Variants in PAG1 observed in about 807,000 individuals in gnomAD.
PAG1 encodes the protein phosphoprotein membrane anchor with glycosphingolipid microdomains 1.
A neutral mutation model predicts 31.7 loss-of-function variants in PAG1; 23 were observed. The observed-to-expected ratio is 0.73, with a 90% confidence interval of 0.52 to 1.03. The LOEUF is 1.03. Ranked by LOEUF, PAG1 falls within the 50% of genes least tolerant of loss-of-function variation. PAG1 has a pLI of 0.00. For missense variants in PAG1, 473 were observed against 540.7 expected, an observed-to-expected ratio of 0.87 and a Z score of 1.24; for synonymous variants, 214 against 210.3, an observed-to-expected ratio of 1.02 and a Z score of -0.15.
chr8:80,994,612 G>A (rs1807632985), intron 3 of PAG1, among the ~76,000 whole-genome samples: 3 of 152,170 alleles, frequency 2.0e-5, no homozygotes, highest in East Asian at 1.9e-4. Context: ...CAAAGCCTGT[G>A]CTCTGTGTCC....
intron 3 of PAG1, among the ~76,000 whole-genome samples, chr8:81,028,378 C>T (rs578159634): frequency 4.6e-5 from 7 of 152,200 alleles, no homozygotes; most frequent in Non-Finnish European, 7.3e-5. Flanking sequence ...TGGCAGCATA[C>T]ACTTGCTTCT....
At chr8:81,045,859 C>T (rs1808632737) in intron 2 of PAG1, among the ~76,000 whole-genome samples, 1 of 152,112 alleles carries the variant, frequency 6.6e-6, no homozygotes, top group Non-Finnish European at 1.5e-5. Context: ...ATACTGCAGC[C>T]TGTAATGTTT....
intron 3 of PAG1, among the ~76,000 whole-genome samples, chr8:81,007,485 A>T (rs1807904293): frequency 8.8e-6 from 1 of 113,542 alleles, no homozygotes; most frequent in South Asian, 2.7e-4. Flanking sequence ...AAAAAAAAAA[A>T]TAGTAGACGG....
chr8:81,028,592 G>A (rs1437549590), intron 3 of PAG1, among the ~76,000 whole-genome samples: 1 of 152,224 alleles, frequency 6.6e-6, no homozygotes, highest in Non-Finnish European at 1.5e-5. Flanking sequence ...ATAATGCAAT[G>A]TGAAGAAAAT....
intron 2 of PAG1, among the ~76,000 whole-genome samples, chr8:81,031,081 G>A (rs1170303790): frequency 6.6e-6 from 1 of 152,126 alleles, no homozygotes; most frequent in East Asian, 1.9e-4. Flanking sequence ...ATGTTCTTTT[G>A]TTAGAACCAC....
At chr8:81,003,259 C>T (rs540586884) in intron 3 of PAG1, among the ~76,000 whole-genome samples, 4 of 152,250 alleles carry the variant, frequency 2.6e-5, no homozygotes, top group South Asian at 4.1e-4. Context: ...GTTACAGATT[C>T]TGATTTGGCA....
Position 81,105,625 on chromosome 8 carries a change from A to G in PAG1, c.-234+5966T>C, listed in dbSNP as rs1005762143. Among the ~76,000 whole-genome samples, 3 of 152,226 alleles carry G rather than the reference A, an allele frequency of 2.0e-5. No individual in the cohort carries two copies. The East Asian group carries it at 5.8e-4, about 29-fold the overall frequency. On this transcript the variant is annotated intron_variant, in intron 1 of 8. Transcript: ENST00000220597. Reference sequence around the variant, plus strand: ...TGTGTTTTTTCCTTTGACTTAGAACATGAGCTCCCTCAACACTTAAGTTTC... The same window carrying G: ...TGTGTTTTTTCCTTTGACTTAGAACGTGAGCTCCCTCAACACTTAAGTTTC...
At chr8:81,077,680 T>C (rs796362661) in intron 1 of PAG1, among the ~76,000 whole-genome samples, 2 of 152,328 alleles carry the variant, frequency 1.3e-5, no homozygotes, top group African/African-American at 2.4e-5. Context: ...AAAAGAAAAA[T>C]GCTGTCTTGA....
intron 3 of PAG1, among the ~76,000 whole-genome samples, chr8:81,027,904 C>CAAAA (rs35780204): frequency 1.9e-5 from 1 of 52,834 alleles, no homozygotes; most frequent in Non-Finnish European, 4.2e-5. Flanking sequence ...GACTCCGTCT[C>CAAAA]AAAAAAAAAA....
intron 2 of PAG1, among the ~76,000 whole-genome samples, chr8:81,043,366 G>C (rs971321683): frequency 6.6e-6 from 1 of 152,194 alleles, no homozygotes; most frequent in African/African-American, 2.4e-5. Context: ...AGCACTGTTA[G>C]AGTTCAGTAC....
chr8:81,077,716 A>G (rs980053474), intron 1 of PAG1, among the ~76,000 whole-genome samples: 1 of 152,260 alleles, frequency 6.6e-6, no homozygotes, highest in Non-Finnish European at 1.5e-5. Context: ...AAAACAGCAG[A>G]GATTAATCAA....
chr8:81,106,713 A>T (rs1040035018), intron 1 of PAG1, among the ~76,000 whole-genome samples: 29 of 152,188 alleles, frequency 1.9e-4, no homozygotes, highest in African/African-American at 7.0e-4. Context: ...GAAAAAATAG[A>T]GGGGGCAGGG....
Position 80,999,040 on chromosome 8 carries a change from G to A in PAG1, c.-80-5733C>T, listed in dbSNP as rs145800263. On this transcript the variant is annotated intron_variant, in intron 3 of 8. Transcript: ENST00000220597. ...AGCAGATTCTTTGGTGGGTTCCCTG[G>A]TCCTGTGAGCACACTGACAGCTGCA... is the stretch of plus-strand genomic sequence containing the variant. Among the ~76,000 whole-genome samples the A allele has an allele frequency of 3.2e-3, 486 of 152,270 alleles. 2 individuals are homozygous for A. The highest frequency in any genetic ancestry group is 0.01 in the African/African-American group (433 of 41,540).
At chr8:81,093,522 T>C (rs1242334200) in intron 1 of PAG1, among the ~76,000 whole-genome samples, 1 of 152,064 alleles carries the variant, frequency 6.6e-6, no homozygotes, top group Non-Finnish European at 1.5e-5. Flanking sequence ...CTTTCAAGAT[T>C]GTCTCTGAGG....
Position 81,089,825 on chromosome 8 carries a change from C to T in PAG1, c.-233-19655G>A, listed in dbSNP as rs1045590921. ...GCATGACATGCAGAAACGTGAGAGT[C>T]CATAAAGAATGGTCTCCCAGCATGC... On this transcript the variant is annotated intron_variant, in intron 1 of 8. Transcript: ENST00000220597. Among the ~76,000 whole-genome samples the T allele has an allele frequency of 2.0e-5, 3 of 151,898 alleles. No homozygotes were observed. In the South Asian group the frequency reaches 6.2e-4, roughly 32 times the overall value.
rs1272185903 is a variant in PAG1, at chr8:81,104,440, C to G, written c.-234+7151G>C. On this transcript the variant is annotated intron_variant, in intron 1 of 8. Transcript: ENST00000220597. ...TCTCACAGGCAGATCACAACCTCAA[C>G]AACAATTTCAAATACACGGAAGACT... Among the ~76,000 whole-genome samples the G allele has an allele frequency of 2.7e-5, 4 of 147,618 alleles. No homozygotes were observed. The Admixed American group carries it at 2.7e-4, about 10-fold the overall frequency.
chr8:81,026,384 TGTCA>T, intron 3 of PAG1, among the ~76,000 whole-genome samples: 1 of 148,020 alleles, frequency 6.8e-6, no homozygotes, highest in East Asian at 2.0e-4. Flanking sequence ...AATAAAAGAG[TGTCA>T]GTAAGTGTTT....
rs759634008 is a variant in PAG1 at position 80,985,283 on chromosome 8, C to T, written c.369G>A (p.Gly123=). 3 of 1,614,136 alleles carry T rather than the reference C, an allele frequency of 1.9e-6. No individual in the cohort carries two copies. Among genetic ancestry groups the T allele is most frequent in the Non-Finnish European group, 2.5e-6 (3 of 1,180,036 alleles). ...CCCGACTCTGATGACATTTTGGTTT[C>T]CCTGTGCTGTCCTGGGAATCCAGCA... ...SDLLDSQDST[G]KPKCHQSREL... The change falls in exon 7 of 9, where the codon GGG becomes GGA. Residue 123 remains glycine (G), a synonymous_variant. Coordinates refer to ENST00000220597, the MANE Select transcript of PAG1 (RefSeq NM_018440.4).
intron 1 of PAG1, among the ~76,000 whole-genome samples, chr8:81,076,104 G>A (rs541567704): frequency 3.6e-4 from 55 of 152,262 alleles, no homozygotes; most frequent in African/African-American, 1.1e-3. Flanking sequence ...CCTGGCCTCC[G>A]GGAACAGAAC....
Sources: allele counts gnomAD v4.1 joint callset (sites outside exome capture counted in the v4.1 genomes callset), GRCh38; gene constraint gnomAD v4.1.1; transcripts MANE v1.5; gene names NCBI Gene and HGNC (gene_info 2026-07-23, HGNC 2026-07-21).